TENM3: variants seen among roughly 807,000 people sequenced by gnomAD.
TENM3 encodes teneurin transmembrane protein 3, also known as teneurin-3.
A neutral mutation model predicts 255.1 loss-of-function variants in TENM3; 63 were observed. That is an observed-to-expected ratio of 0.25 (90% CI 0.20 to 0.30). The LOEUF is 0.30. TENM3 is among the 10% of genes least tolerant of loss of function. The pLI, the probability that TENM3 is intolerant of heterozygous loss-of-function variation, is 1.00. For missense variants in TENM3, 2,929 were observed against 3,461.1 expected, an observed-to-expected ratio of 0.85 and a Z score of 3.86; for synonymous variants, 1,306 against 1,322.3, an observed-to-expected ratio of 0.99 and a Z score of 0.27.
At chr4:182,705,730 T>C (rs1758229502) in intron 12 of TENM3, among the ~76,000 whole-genome samples, 2 of 152,218 alleles carry the variant, frequency 1.3e-5, no homozygotes, top group Admixed American at 6.5e-5. Context: ...ACCTCATTTT[T>C]AAATGAGCTG....
intron 3 of TENM3, among the ~76,000 whole-genome samples, chr4:182,513,701 G>T (rs1160622014): frequency 6.6e-6 from 1 of 152,168 alleles, no homozygotes; most frequent in Admixed American, 6.5e-5. Flanking sequence ...TGTGACATCT[G>T]GGGCCTTGCT....
chr4:182,497,198 A>G (rs1267459635), intron 3 of TENM3, among the ~76,000 whole-genome samples: 1 of 151,982 alleles, frequency 6.6e-6, no homozygotes, highest in Non-Finnish European at 1.5e-5. Context: ...GGACTCAGGC[A>G]CGCGCCACCA....
intron 13 of TENM3, 137 bp from the exon 14 acceptor site, chr4:182,728,828 C>G (rs537275886): frequency 1.5e-6 from 1 of 666,370 alleles, no homozygotes; most frequent in East Asian, 2.7e-5. Flanking sequence ...AAAAGTATGC[C>G]TCATAGAAAT....
chr4:181,871,384 G>T, the TENM3 span, among the ~76,000 whole-genome samples: 1 of 151,896 alleles, frequency 6.6e-6, no homozygotes, highest in Non-Finnish European at 1.5e-5. Flanking sequence ...CATGAATATG[G>T]TAACTCTCTC....
the TENM3 span, among the ~76,000 whole-genome samples, chr4:181,843,002 G>C: frequency 3.3e-5 from 5 of 152,076 alleles, no homozygotes; most frequent in African/African-American, 1.2e-4. Flanking sequence ...AAGTTCCTTT[G>C]ACTAAAACCT....
Position 182,346,672 on chromosome 4 carries a change from AGTTAGG to A in TENM3, c.255_260del (p.Leu86_Gly87del). On this transcript the variant is annotated inframe_deletion, in exon 3 of 28. Transcript: ENST00000511685. ...TTAGGACAGAATTTTACCCTAAGGC[AGTTAGG>A]AGTTTGTGAACCAGCAACTCGAAGA... 1.9e-6 allele frequency: 3 copies of A among 1,613,554 alleles called. No individual in the cohort carries two copies. The highest frequency in any genetic ancestry group is 2.5e-6 in the Non-Finnish European group (3 of 1,179,758).
the TENM3 span, among the ~76,000 whole-genome samples, chr4:181,602,791 C>G: frequency 5.3e-5 from 8 of 152,130 alleles, no homozygotes; most frequent in African/African-American, 1.9e-4. Context: ...CCCAATAAGT[C>G]CTGAAGACAA....
At chr4:182,299,204 C>T (rs1761701775) in intron 1 of TENM3, among the ~76,000 whole-genome samples, 1 of 151,844 alleles carries the variant, frequency 6.6e-6, no homozygotes, top group East Asian at 2.0e-4. Context: ...GTATTATTAA[C>T]ATCCACTTTG....
intron 3 of TENM3, among the ~76,000 whole-genome samples, chr4:182,422,720 A>C (rs2151145652): frequency 6.6e-6 from 1 of 152,336 alleles, no homozygotes; most frequent in East Asian, 1.9e-4. Context: ...CTGGACAAAA[A>C]TTTTAAAAAC....
At chr4:181,862,903 G>A in the TENM3 span, among the ~76,000 whole-genome samples, 2 of 152,176 alleles carry the variant, frequency 1.3e-5, no homozygotes, top group Non-Finnish European at 2.9e-5. Context: ...AGAATATCCT[G>A]GTTCTCACTG....
At chr4:181,700,189 C>T in the TENM3 span, among the ~76,000 whole-genome samples, 7,046 of 151,368 alleles carry the variant, frequency 0.047, 231 homozygotes, top group Middle Eastern at 0.14. Context: ...TTGAAGTGAA[C>T]GTCAGCATTT....
At chr4:182,728,035 G>A (rs1238164829) in intron 13 of TENM3, among the ~76,000 whole-genome samples, 2 of 151,652 alleles carry the variant, frequency 1.3e-5, no homozygotes, top group African/African-American at 2.4e-5. Flanking sequence ...TAATTTTAGA[G>A]ATGGGGTTTC....
chr4:182,321,252 G>A (rs1396843416), intron 1 of TENM3, among the ~76,000 whole-genome samples: 1 of 152,144 alleles, frequency 6.6e-6, no homozygotes, highest in East Asian at 1.9e-4. Flanking sequence ...ATAAGGACAG[G>A]AACATTTATC....
intron 3 of TENM3, among the ~76,000 whole-genome samples, chr4:182,526,969 T>C (rs1739261675): frequency 7.1e-6 from 1 of 141,372 alleles, no homozygotes; most frequent in South Asian, 2.1e-4. Flanking sequence ...CCTTTCTGAG[T>C]TCTTTAATTT....
the TENM3 span, among the ~76,000 whole-genome samples, chr4:181,603,735 C>G: frequency 3.3e-5 from 5 of 152,146 alleles, no homozygotes; most frequent in African/African-American, 1.2e-4. Context: ...TCCCTGCCTT[C>G]AAAAATCTTA....
intron 3 of TENM3, among the ~76,000 whole-genome samples, chr4:182,558,040 C>T (rs1241478686): frequency 6.6e-6 from 1 of 152,106 alleles, no homozygotes; most frequent in Non-Finnish European, 1.5e-5. Context: ...TCTACGGCTA[C>T]GATCCGATTT....
chr4:181,985,215 GA>G, the TENM3 span, among the ~76,000 whole-genome samples: 74 of 138,790 alleles, frequency 5.3e-4, no homozygotes, highest in African/African-American at 1.0e-3. Flanking sequence ...ACTCATAAAA[GA>G]AAAAAAAAAC....
the TENM3 span, among the ~76,000 whole-genome samples, chr4:181,839,106 T>C: frequency 9.9e-5 from 15 of 151,298 alleles, no homozygotes; most frequent in African/African-American, 3.1e-4. Flanking sequence ...CTAAATCCCA[T>C]TATAATTTCT....
intron 6 of TENM3, among the ~76,000 whole-genome samples, chr4:182,661,046 T>C (rs1754180276): frequency 6.6e-6 from 1 of 152,184 alleles, no homozygotes; most frequent in South Asian, 2.1e-4. Flanking sequence ...TTACAGGCAA[T>C]GTAACTATGG....
Sources: allele counts gnomAD v4.1 joint callset (sites outside exome capture counted in the v4.1 genomes callset), GRCh38; gene constraint gnomAD v4.1.1; transcripts MANE v1.5; gene names NCBI Gene and HGNC (gene_info 2026-07-23, HGNC 2026-07-21).